Variants in PLA2G4D observed in about 807,000 individuals in gnomAD.
PLA2G4D encodes cytosolic phospholipase A2 delta.
In PLA2G4D, 80 loss-of-function variants were observed where a neutral mutation model predicts 94.4. The observed-to-expected ratio is 0.85, with a 90% CI of 0.71 to 1.02. The LOEUF (loss-of-function observed/expected upper bound fraction) is 1.02, where lower values mean the gene tolerates loss of function less well. Among genes scored for constraint, PLA2G4D ranks in the 50% least tolerant of loss-of-function variants. The pLI, the probability that PLA2G4D is intolerant of heterozygous loss-of-function variation, is 0.00. For missense variants in PLA2G4D, 1,050 were observed against 1,034.7 expected (o/e 1.01, Z -0.20); for synonymous variants, 438 against 440.9 (o/e 0.99, Z 0.08).
At position 42,086,194 on chromosome 15, in the gene PLA2G4D, T is replaced by TTGGGGGGGGGGGGGCGGCC; in HGVS notation, c.387+18_387+19insGGCCGCCCCCCCCCCCCCA. 7.3e-7 allele frequency: 1 copy of TTGGGGGGGGGGGGGCGGCC among 1,370,444 alleles called. No individual in the cohort carries two copies. Among genetic ancestry groups the TTGGGGGGGGGGGGGCGGCC allele is most frequent in the Non-Finnish European group, 9.6e-7 (1 of 1,043,084 alleles). The allele number at this position is 1,370,444 out of a possible 1,614,324, so 84.9% of individuals were successfully genotyped here. A position where few individuals can be genotyped will look rare whatever the true frequency, so the allele number is the denominator to read the frequency against. ...GGAAGAAGTGGGGCCCACGGGGACT[T>TTGGGGGGGGGGGGGCGGCC]CCCCACCCACCCACCCACCTGGGGA... On this transcript the variant is annotated intron_variant, in intron 4 of 19. Transcript: ENST00000290472.
At chr15:42,085,034 T>TGCCC (rs1184141098) in intron 6 of PLA2G4D, 62 bp downstream of exon 6, 1 of 1,573,166 alleles carries the variant, frequency 6.4e-7, no homozygotes, top group African/African-American at 1.4e-5. Context: ...CCCAGGCAGC[T>TGCCC]GCCCTCCCTC....
chr15:42,087,555 G>T, intron 2 of PLA2G4D, 73 bp downstream of exon 2: 1 of 1,605,932 alleles, frequency 6.2e-7, no homozygotes. Context: ...CAGCCCCAGG[G>T]CACTCGTCTT....
chr15:42,090,754 A>G (rs1890232458), intron 1 of PLA2G4D, among the ~76,000 whole-genome samples: 1 of 152,178 alleles, frequency 6.6e-6, no homozygotes, highest in South Asian at 2.1e-4. Context: ...CTAGACCTAG[A>G]GGAGGCTGAG....
At chr15:42,091,600 G>GT (rs397951350) in intron 1 of PLA2G4D, among the ~76,000 whole-genome samples, 1 of 151,954 alleles carries the variant, frequency 6.6e-6, no homozygotes, top group Non-Finnish European at 1.5e-5. Context: ...TTCCCCGGGG[G>GT]AGTTAGAGAA....
chr15:42,078,200 C>A (rs756709632), intron 13 of PLA2G4D, among the ~76,000 whole-genome samples: 1 of 152,200 alleles, frequency 6.6e-6, no homozygotes, highest in African/African-American at 2.4e-5. Flanking sequence ...TTTTCTACCA[C>A]CAGCTAACAC....
chr15:42,078,765 A>G (rs1223220210), intron 13 of PLA2G4D, among the ~76,000 whole-genome samples: 2 of 152,242 alleles, frequency 1.3e-5, no homozygotes, highest in East Asian at 3.9e-4. Context: ...CTACTAATAT[A>G]TTCCATACTT....
At position 42,071,202 on chromosome 15, in the gene PLA2G4D, G is replaced by T. The variant is rs760772564; in HGVS notation, c.1797C>A (p.His599Gln). The T allele has an allele frequency of 3.1e-6, 5 of 1,613,454 alleles. No individual in the cohort carries two copies. Among genetic ancestry groups the T allele is most frequent in the East Asian group, 2.2e-5 (1 of 44,864 alleles). The change falls in exon 17 of 20, where the codon CAC becomes CAA. Residue 599 changes from histidine to glutamine, a missense_variant. Physicochemically the swap from His to Gln is conservative, Grantham distance 24. Coordinates refer to ENST00000290472, the MANE Select transcript of PLA2G4D (RefSeq NM_178034.4). Reference sequence around the variant, plus strand: ...CCTGGAGGAAGTTGGGGCTGCGCTGGTGGAGGGGCCTGCCTGTCAGGAAGC... The same window carrying T: ...CCTGGAGGAAGTTGGGGCTGCGCTGTTGGAGGGGCCTGCCTGTCAGGAAGC... ...FKGFLTGRPLHQRSPNFLQGL... is the reference protein window; with the variant it reads ...FKGFLTGRPLQQRSPNFLQGL...
At chr15:42,086,574 G>A (rs1372613393) in intron 3 of PLA2G4D, among the ~76,000 whole-genome samples, 1 of 152,148 alleles carries the variant, frequency 6.6e-6, no homozygotes, top group Non-Finnish European at 1.5e-5. Flanking sequence ...ATTCTGAGCT[G>A]GGCATGGTGG....
intron 12 of PLA2G4D, among the ~76,000 whole-genome samples, chr15:42,080,787 A>G (rs1890020220): frequency 6.6e-6 from 1 of 152,218 alleles, no homozygotes; most frequent in African/African-American, 2.4e-5. Flanking sequence ...CCTTTCAGTA[A>G]CATCTGGAAT....
At position 42,072,354 on chromosome 15, in the gene PLA2G4D, C is replaced by T. The variant is rs748703695; in HGVS notation, c.1356G>A (p.Leu452=). 6.2e-7 allele frequency: 1 copy of T among 1,613,542 alleles called. No individual in the cohort carries two copies. Among genetic ancestry groups the T allele is most frequent in the Non-Finnish European group, 8.5e-7 (1 of 1,179,986 alleles). The change falls in exon 14 of 20, where the codon CTG becomes CTA. Residue 452 remains leucine (L), a synonymous_variant. Transcript: ENST00000290472. The part of the protein sequence containing the change: ...DQKLSGQRAA[L]ERGQNPLPLY... ...GGGGCAGAGGGTTCTGACCCCGTTC[C>T]AGGGCGGCTCTCTGTCCTGACAGCT...
At chr15:42,071,641 A>G in intron 15 of PLA2G4D, 90 bp from the exon 16 acceptor site, 1 of 1,473,606 alleles carries the variant, frequency 6.8e-7, no homozygotes, top group Non-Finnish European at 9.4e-7. Flanking sequence ...GGCGAGGGCT[A>G]CCCCTACAAT....
chr15:42,071,362 C>T (rs1595590117), intron 16 of PLA2G4D, 45 bp from the exon 17 acceptor site: 1 of 1,569,332 alleles, frequency 6.4e-7, no homozygotes, highest in Non-Finnish European at 8.6e-7. Flanking sequence ...CCCCTTACTT[C>T]TTCCCCTCAG....
intron 13 of PLA2G4D, among the ~76,000 whole-genome samples, chr15:42,075,234 G>T (rs1356374846): frequency 1.3e-5 from 2 of 152,214 alleles, no homozygotes; most frequent in African/African-American, 4.8e-5. Flanking sequence ...TATAAAGCTT[G>T]CACATAAAAC....
At chr15:42,069,842 G>T in intron 19 of PLA2G4D, 67 bp downstream of exon 19, 1 of 1,269,240 alleles carries the variant, frequency 7.9e-7, no homozygotes, top group Non-Finnish European at 1.0e-6. Flanking sequence ...CTGCTGGGCA[G>T]CCGGGGGGCC....
rs757947324 is a variant in PLA2G4D at position 42,071,167 on chromosome 15, AG to A, written c.1831del (p.Leu611CysfsTer26). 2 of 1,613,128 alleles carry A rather than the reference AG, an allele frequency of 1.2e-6. No individual in the cohort carries two copies. The highest frequency in any genetic ancestry group is 2.2e-5 in the South Asian group (2 of 90,990). The stretch of plus-strand genomic sequence containing the variant: ...TTTGTGGCTACAGTAGTCCTGGTGC[AG>A]CTGGAGGCCCTGGAGGAAGTTGGGG... ...RSPNFLQGLQ[L>X]HQDYCSHKDF... On this transcript the variant is annotated frameshift_variant, in exon 17 of 20. Coordinates refer to ENST00000290472, the MANE Select transcript of PLA2G4D (RefSeq NM_178034.4). LOFTEE classifies it high-confidence loss of function.
rs567537082 is a variant in PLA2G4D, at chr15:42,070,047, G to A, written c.2092C>T (p.Pro698Ser). Residue 698 changes from proline (P) to serine (S), a missense_variant, in exon 19 of 20, where the codon CCC (proline) becomes TCC (serine). Pro to Ser is a moderately conservative substitution (Grantham distance 74, BLOSUM62 -1). Transcript: ENST00000290472. ...TCCTGAGGGCTGGGTTCCACCCGGG[G>A]GAAGGGCAGCCCCCGGGCCCGGCAG... is the stretch of plus-strand genomic sequence containing the variant. ...LYCRARGLPF[P>S]RVEPSPQDQH... 6.6e-6 allele frequency: 10 copies of A among 1,520,894 alleles called. No homozygotes were observed. The highest frequency in any genetic ancestry group is 5.3e-5 in the East Asian group (2 of 37,420). The allele number at this position is 1,520,894 out of a possible 1,614,324, so 94.2% of individuals were successfully genotyped here. A position where few individuals can be genotyped will look rare whatever the true frequency, so the allele number is the denominator to read the frequency against.
chr15:42,072,287 G>C lies in PLA2G4D; in HGVS notation c.1423C>G (p.Leu475Val), dbSNP rs140046515. The C allele has an allele frequency of 5.1e-5, 82 of 1,613,764 alleles. No individual in the cohort carries two copies. The African/African-American group carries it at 1.1e-3, about 21-fold the overall frequency. The change falls in exon 14 of 20, where the codon CTG (leucine) becomes GTG (valine). Residue 475 changes from leucine (L) to valine (V), a missense_variant. Physicochemically the swap from Leu to Val is conservative, Grantham distance 32. Transcript: ENST00000290472. ...LNVKENNLET[L>V]DFKEWVEFSP... Reference sequence around the variant, plus strand: ...GGTAGAACTGTACCCTTGAAGTCCAGTGTCTCCAGATTGTTCTCTTTGACA... The same window carrying C: ...GGTAGAACTGTACCCTTGAAGTCCACTGTCTCCAGATTGTTCTCTTTGACA...
Position 42,070,775 on chromosome 15 carries a change from G to A in PLA2G4D, c.1985C>T (p.Pro662Leu), listed in dbSNP as rs1164230549. Residue 662 changes from proline (P) to leucine (L), a missense_variant, in exon 18 of 20, where the codon CCA becomes CTA. By Grantham distance (98) the Pro-to-Leu change is moderately conservative. Coordinates refer to ENST00000290472, the MANE Select transcript of PLA2G4D (RefSeq NM_178034.4). ...INTSSPSMFRPGRRLDLILSF... is the reference protein window; with the variant it reads ...INTSSPSMFRLGRRLDLILSF... ...GAGGATGAGGTCCAGCCTGCGGCCT[G>A]GCCGGAACATGGAGGGAGAGCTGGT... 2 of 1,596,508 alleles carry A rather than the reference G, an allele frequency of 1.3e-6. No homozygotes were observed. The highest frequency in any genetic ancestry group is 1.7e-5 in the Admixed American group (1 of 57,544).
At chr15:42,078,905 C>A (rs1369168379) in intron 13 of PLA2G4D, among the ~76,000 whole-genome samples, 2 of 152,198 alleles carry the variant, frequency 1.3e-5, no homozygotes, top group African/African-American at 2.4e-5. Context: ...ACTTACTAAG[C>A]TTTCTCTCAA....
Sources: gnomAD v4.1 joint callset for allele counts (sites outside exome capture counted in the v4.1 genomes callset) on GRCh38, gnomAD v4.1.1 for gene constraint, MANE v1.5 for transcripts, NCBI Gene and HGNC (gene_info 2026-07-23, HGNC 2026-07-21) for gene names.